FBXO11: variants seen among roughly 807,000 people sequenced by gnomAD.
FBXO11 encodes F-box protein 11.
In FBXO11, 13 loss-of-function variants were observed where a neutral mutation model predicts 117.0. The ratio of observed to expected loss-of-function variants is 0.11; its 90% CI spans 0.07 to 0.18. The LOEUF is 0.18. FBXO11 is among the 10% of genes least tolerant of loss of function. The pLI, the probability that FBXO11 is intolerant of heterozygous loss-of-function variation, is 1.00. For synonymous variants in FBXO11, 490 were observed against 380.5 expected (o/e 1.29, Z -3.35); for missense variants, 767 against 1,164.4 (o/e 0.66, Z 4.97).
chr2:47,815,795 A>G (rs1224071160), intron 16 of FBXO11, among the ~76,000 whole-genome samples: 2 of 152,208 alleles, frequency 1.3e-5, no homozygotes, highest in Non-Finnish European at 2.9e-5. Context: ...TCTTCCCCGC[A>G]TGCCCCAGCT....
chr2:47,904,343 A>G (rs978150421), intron 1 of FBXO11, among the ~76,000 whole-genome samples: 2 of 152,184 alleles, frequency 1.3e-5, no homozygotes, highest in African/African-American at 4.8e-5. Flanking sequence ...CGAACAGCTA[A>G]TTAATAAAGA....
rs1671297220 is a variant in FBXO11, at chr2:47,820,396, T to C, written c.1763A>G (p.Lys588Arg). Residue 588 changes from lysine (K) to arginine (R), a missense_variant, in exon 14 of 23, where the codon AAA becomes AGA. Around this residue, in one of 10 missense-constraint regions of FBXO11, gnomAD observed 67 missense variants for 148.8 expected, o/e 0.45. Transcript: ENST00000403359. ...CCCACCATGCTGGCCATCATGAATT[T>C]TGTTATGCCGAACAATTGGACAACT... ...TNSCPIVRHN[K>R]IHDGQHGGIY... 1.2e-6 allele frequency: 2 copies of C among 1,613,930 alleles called. No individual in the cohort carries two copies. The highest frequency in any genetic ancestry group is 1.7e-6 in the Non-Finnish European group (2 of 1,179,962).
chr2:47,845,134 C>A (rs1673307779), intron 1 of FBXO11, among the ~76,000 whole-genome samples: 1 of 152,090 alleles, frequency 6.6e-6, no homozygotes, highest in Non-Finnish European at 1.5e-5. Flanking sequence ...GACCTTATTA[C>A]TACAGACACC....
At chr2:47,811,509 A>T (rs1479581084) in intron 18 of FBXO11, 1 of 152,174 alleles carries the variant, frequency 6.6e-6, no homozygotes, top group Non-Finnish European at 1.5e-5. Flanking sequence ...GAGCCACTGC[A>T]CCCGGCCACT....
chr2:47,882,974 A>T (rs1427502613), intron 1 of FBXO11, among the ~76,000 whole-genome samples: 1 of 151,870 alleles, frequency 6.6e-6, no homozygotes. Context: ...CTTCTTTCCC[A>T]AGTTCCCTCA....
intron 1 of FBXO11, among the ~76,000 whole-genome samples, chr2:47,855,077 T>C (rs201355592): frequency 2.0e-5 from 3 of 152,178 alleles, no homozygotes; most frequent in East Asian, 3.8e-4. Context: ...AATCACTTTC[T>C]AGAATTGTGA....
chr2:47,826,704 T>C (rs1671780311), intron 11 of FBXO11, among the ~76,000 whole-genome samples: 1 of 152,224 alleles, frequency 6.6e-6, no homozygotes, highest in Non-Finnish European at 1.5e-5. Context: ...TTTTCTCCTT[T>C]GCTTAGCTTT....
At chr2:47,827,629 G>C (rs1671857734) in intron 11 of FBXO11, among the ~76,000 whole-genome samples, 1 of 151,966 alleles carries the variant, frequency 6.6e-6, no homozygotes, top group Non-Finnish European at 1.5e-5. Flanking sequence ...TATTTTAATA[G>C]AATGCAACTA....
chr2:47,876,051 G>A (rs762333205), intron 1 of FBXO11, among the ~76,000 whole-genome samples: 9 of 152,094 alleles, frequency 5.9e-5, no homozygotes, highest in Non-Finnish European at 8.8e-5. Flanking sequence ...GGAAATTTAC[G>A]CGTAAGAAGG....
intron 1 of FBXO11, among the ~76,000 whole-genome samples, chr2:47,853,390 AT>A (rs1674028241): frequency 6.6e-6 from 1 of 152,174 alleles, no homozygotes; most frequent in South Asian, 2.1e-4. Context: ...AAAAATAATA[AT>A]AATACTTTTA....
rs1342770425 is a variant in FBXO11, at chr2:47,900,580, A to G, written c.232+4909T>C. Among the ~76,000 whole-genome samples the G allele has an allele frequency of 4.0e-3, 474 of 117,178 alleles. 2 individuals are homozygous for G. Among genetic ancestry groups the G allele is most frequent in the Non-Finnish European group, 6.5e-3 (315 of 48,346 alleles). 76.9% of individuals were successfully genotyped at this position (117,178 alleles called of 152,430 possible). ...CACGTATATATACACACGTATACAC[A>G]CATATATACGTATATACACACGTAT... On this transcript the variant is annotated intron_variant, in intron 1 of 22. Transcript: ENST00000403359.
In FBXO11 at chr2:47,832,327, T is replaced by C. The variant is rs756508886; in HGVS notation, c.1398+22A>G. ...TAACTGATACAGAAGTCCGTTTTTCTATTAAAAATAAGTGTTCTTACCATG... is the reference window on the plus strand; with the variant it reads ...TAACTGATACAGAAGTCCGTTTTTCCATTAAAAATAAGTGTTCTTACCATG... On this transcript the variant is annotated intron_variant, in intron 11 of 22. Coordinates refer to ENST00000403359, the MANE Select transcript of FBXO11 (RefSeq NM_001190274.2). The C allele has an allele frequency of 1.2e-5, 19 of 1,553,608 alleles. 1 individual carries two copies. The highest frequency in any genetic ancestry group is 3.5e-4 in the Middle Eastern group (2 of 5,738).
chr2:47,837,740 T>C (rs190803399), intron 4 of FBXO11, among the ~76,000 whole-genome samples: 35 of 152,282 alleles, frequency 2.3e-4, no homozygotes, highest in African/African-American at 8.4e-4. Context: ...ACTCTGTTCT[T>C]TTCTTTAAAA....
At position 47,833,032 on chromosome 2, in the gene FBXO11, T is replaced by A. The variant is rs61742810; in HGVS notation, c.973A>T (p.Thr325Ser). 1.2e-6 allele frequency: 2 copies of A among 1,613,600 alleles called. No individual in the cohort carries two copies. Among genetic ancestry groups the A allele is most frequent in the Non-Finnish European group, 1.7e-6 (2 of 1,179,788 alleles). Residue 325 changes from threonine (T) to serine (S), a missense_variant, in exon 8 of 23, where the codon ACT (threonine) becomes TCT (serine). Transcript: ENST00000403359. ...KVADKVIIEN[T>S]RDSTFVFMEG... Reference sequence around the variant, plus strand: ...ATAAAAACGAAGGTTGAATCTCTAGTGTTTTCAATTATAACTTTGTCTGCC... The same window carrying A: ...ATAAAAACGAAGGTTGAATCTCTAGAGTTTTCAATTATAACTTTGTCTGCC...
intron 1 of FBXO11, among the ~76,000 whole-genome samples, chr2:47,847,262 G>A (rs377109195): frequency 6.6e-6 from 1 of 151,630 alleles, no homozygotes; most frequent in South Asian, 2.1e-4. Flanking sequence ...CAAACAAAAA[G>A]AAATTAAGCA....
chr2:47,863,700 C>G (rs1674965520), intron 1 of FBXO11, among the ~76,000 whole-genome samples: 1 of 152,052 alleles, frequency 6.6e-6, no homozygotes, highest in South Asian at 2.1e-4. Flanking sequence ...GCCTATAATC[C>G]CTGCCTACGG....
intron 4 of FBXO11, among the ~76,000 whole-genome samples, chr2:47,838,503 C>G (rs904194642): frequency 6.8e-6 from 1 of 148,136 alleles, no homozygotes. Flanking sequence ...TTCATGAATA[C>G]AACTGTTTTC....
At chr2:47,885,341 C>T (rs1676742391) in intron 1 of FBXO11, among the ~76,000 whole-genome samples, 1 of 152,152 alleles carries the variant, frequency 6.6e-6, no homozygotes, top group Non-Finnish European at 1.5e-5. Flanking sequence ...CGCCTGTAAT[C>T]CCAGCACTTT....
intron 1 of FBXO11, among the ~76,000 whole-genome samples, chr2:47,897,659 T>C (rs1030569237): frequency 1.4e-5 from 2 of 142,104 alleles, no homozygotes; most frequent in Non-Finnish European, 3.0e-5. Context: ...ATCACACCAT[T>C]GCACTCCAGC....
Sources: gnomAD v4.1 joint callset for allele counts (sites outside exome capture counted in the v4.1 genomes callset) on GRCh38, gnomAD v4.1.1 for gene constraint, gnomAD v4.1.1 regional missense constraint, MANE v1.5 for transcripts, NCBI Gene and HGNC (gene_info 2026-07-23, HGNC 2026-07-21) for gene names.